Variants in ACACA observed in about 807,000 individuals in gnomAD.
The protein encoded by ACACA is acetyl-CoA carboxylase alpha.
Under a neutral mutation model 296.1 loss-of-function variants are expected in ACACA, and 103 were observed. The observed-to-expected ratio is 0.35, with a 90% CI of 0.30 to 0.41. The LOEUF is 0.41. Among genes scored for constraint, ACACA ranks in the 10% least tolerant of loss-of-function variants. The probability of loss-of-function intolerance (pLI) is 1.00; values close to 1 mark genes in which losing one functional copy is unlikely to be tolerated. For missense variants in ACACA, 1,554 were observed against 2,989.7 expected (o/e 0.52, Z 11.20); for synonymous variants, 953 against 1,038.6 (o/e 0.92, Z 1.58).
At chr17:37,109,173 G>A (rs778313614) in intron 52 of ACACA, among the ~76,000 whole-genome samples, 12 of 152,142 alleles carry the variant, frequency 7.9e-5, no homozygotes, top group Non-Finnish European at 1.6e-4. Flanking sequence ...TTATATCTAG[G>A]CTGACCTGCT....
At chr17:37,364,316 A>G (rs1215555699) in intron 1 of ACACA, among the ~76,000 whole-genome samples, 1 of 151,316 alleles carries the variant, frequency 6.6e-6, no homozygotes, top group Admixed American at 6.6e-5. Context: ...AAAAGAGTCC[A>G]GCCATGGTGG....
intron 44 of ACACA, 141 bp downstream of exon 44, chr17:37,151,160 A>G: frequency 1.0e-6 from 1 of 954,544 alleles, no homozygotes; most frequent in South Asian, 1.6e-5. Flanking sequence ...TCCTATTATC[A>G]TGTGTGATTA....
chr17:37,346,710 A>G (rs1401154575), intron 1 of ACACA, among the ~76,000 whole-genome samples: 1 of 96,168 alleles, frequency 1.0e-5, no homozygotes, highest in Non-Finnish European at 2.2e-5. Flanking sequence ...TCAAAAAAAA[A>G]AAAAAAAAAA....
intron 45 of ACACA, among the ~76,000 whole-genome samples, chr17:37,134,030 C>G (rs1410822515): frequency 6.6e-6 from 1 of 152,156 alleles, no homozygotes; most frequent in Non-Finnish European, 1.5e-5. Context: ...GCCGGCGGAC[C>G]TAAGAATTAA....
intron 29 of ACACA, among the ~76,000 whole-genome samples, chr17:37,214,182 T>C (rs984062087): frequency 1.3e-5 from 2 of 152,114 alleles, no homozygotes; most frequent in African/African-American, 2.4e-5. Context: ...AAAGAGCAAT[T>C]TGACTGGCTG....
chr17:37,299,748 C>T, intron 3 of ACACA: 1 of 1,000,510 alleles, frequency 1.0e-6, no homozygotes, highest in Non-Finnish European at 1.2e-6. Context: ...AGAAAAGCTC[C>T]ACTGCCTCTC....
chr17:37,227,859 CA>C (rs60565367), intron 25 of ACACA, among the ~76,000 whole-genome samples: 5,201 of 102,714 alleles, frequency 0.051, 256 homozygotes, highest in African/African-American at 0.15. Flanking sequence ...GACTCTGTCT[CA>C]AAAAAAAAAA....
intron 42 of ACACA, among the ~76,000 whole-genome samples, chr17:37,157,608 T>G (rs1055301616): frequency 1.4e-5 from 2 of 139,806 alleles, no homozygotes; most frequent in African/African-American, 5.4e-5. Flanking sequence ...CGATCTTGAC[T>G]CACTGCAACC....
chr17:37,212,945 T>C (rs1417628176), intron 29 of ACACA, among the ~76,000 whole-genome samples: 1 of 149,064 alleles, frequency 6.7e-6, no homozygotes, highest in African/African-American at 2.5e-5. Context: ...AGGGAAGAGA[T>C]TGTATACGAG....
chr17:37,152,719 T>C (rs2076093059), intron 43 of ACACA, among the ~76,000 whole-genome samples: 1 of 152,152 alleles, frequency 6.6e-6, no homozygotes, highest in Admixed American at 6.6e-5. Flanking sequence ...AATACAAAGT[T>C]GGAAGTAGAG....
intron 1 of ACACA, among the ~76,000 whole-genome samples, chr17:37,381,666 T>C (rs574519542): frequency 4.7e-4 from 70 of 148,028 alleles, no homozygotes; most frequent in Middle Eastern, 3.4e-3. Context: ...CTCGCTCCGT[T>C]GCCCAGGCTG....
intron 1 of ACACA, among the ~76,000 whole-genome samples, chr17:37,353,637 TAAAAAAAAAA>T (rs1169088763): frequency 1.2e-3 from 70 of 56,666 alleles, no homozygotes; most frequent in Admixed American, 2.3e-3. Context: ...AGACTCCGTC[TAAAAAAAAAA>T]AAAAAAAAAA....
chr17:37,299,864 A>T (rs2083536393), intron 3 of ACACA: 1 of 917,546 alleles, frequency 1.1e-6, no homozygotes, highest in Non-Finnish European at 1.3e-6. Context: ...CAGAGGGAGG[A>T]GCACAGCTCG....
intron 1 of ACACA, among the ~76,000 whole-genome samples, chr17:37,349,713 C>A (rs775619225): frequency 1.3e-5 from 2 of 151,528 alleles, no homozygotes; most frequent in Non-Finnish European, 2.9e-5. Context: ...CCCACCACTT[C>A]ACCCAGCTAG....
chr17:37,093,640 T>C (rs561554347), intron 54 of ACACA, among the ~76,000 whole-genome samples: 1 of 152,026 alleles, frequency 6.6e-6, no homozygotes, highest in Non-Finnish European at 1.5e-5. Context: ...TAGGACTACA[T>C]GTGTGTGCCA....
intron 18 of ACACA, 98 bp downstream of exon 18, chr17:37,247,913 A>G (rs2080795725): frequency 5.0e-6 from 7 of 1,403,542 alleles, no homozygotes; most frequent in Non-Finnish European, 6.0e-6. Context: ...ACTACAAATG[A>G]GTACCAAGAA....
chr17:37,264,008 T>C (rs1406277185), intron 10 of ACACA, 114 bp from the exon 11 acceptor site: 4 of 808,816 alleles, frequency 4.9e-6, no homozygotes, highest in Non-Finnish European at 8.0e-6. Flanking sequence ...TCAGGAACCA[T>C]GTTAATCAGC....
chr17:37,150,912 C>T (rs1237673782), intron 44 of ACACA, among the ~76,000 whole-genome samples: 1 of 151,574 alleles, frequency 6.6e-6, no homozygotes, highest in Non-Finnish European at 1.5e-5. Context: ...ATTAGCTGGG[C>T]ATGGTGGCAC....
At chr17:37,258,111 C>G in intron 13 of ACACA, 101 bp downstream of exon 13, 1 of 1,418,080 alleles carries the variant, frequency 7.1e-7, no homozygotes, top group Non-Finnish European at 9.8e-7. Flanking sequence ...GTTTCCCACT[C>G]CAGAGGAAGT....
Sources: gnomAD v4.1 joint callset for allele counts (sites outside exome capture counted in the v4.1 genomes callset) on GRCh38, gnomAD v4.1.1 for gene constraint, MANE v1.5 for transcripts, NCBI Gene and HGNC (gene_info 2026-07-23, HGNC 2026-07-21) for gene names.